INPP4B: variants seen among roughly 807,000 people sequenced by gnomAD.
INPP4B encodes inositol polyphosphate-4-phosphatase type II B, also known as inositol polyphosphate 4-phosphatase type II.
In INPP4B, 55 loss-of-function variants were observed where a neutral mutation model predicts 122.5. That is an observed-to-expected ratio of 0.45 (90% confidence interval 0.36 to 0.56). INPP4B has a LOEUF of 0.56. INPP4B is among the 20% of genes least tolerant of loss of function. The probability of loss-of-function intolerance (pLI) is 0.00; values close to 1 mark genes in which losing one functional copy is unlikely to be tolerated. For missense variants in INPP4B, 1,000 were observed against 1,097.7 expected (o/e 0.91, Z 1.26); for synonymous variants, 403 against 388.7 (o/e 1.04, Z -0.43).
At chr4:142,079,916 G>A (rs1772976989) in intron 25 of INPP4B, among the ~76,000 whole-genome samples, 1 of 152,060 alleles carries the variant, frequency 6.6e-6, no homozygotes, top group South Asian at 2.1e-4. Flanking sequence ...TAATTAGCTA[G>A]ATTATACTGC....
chr4:142,263,882 A>G (rs1245484454), intron 10 of INPP4B, among the ~76,000 whole-genome samples: 1 of 151,718 alleles, frequency 6.6e-6, no homozygotes, highest in African/African-American at 2.4e-5. Context: ...TGGGAAAACT[A>G]AGTGCAGGGG....
At chr4:142,616,846 A>C (rs1262781473) in intron 2 of INPP4B, among the ~76,000 whole-genome samples, 2 of 152,176 alleles carry the variant, frequency 1.3e-5, no homozygotes, top group African/African-American at 4.8e-5. Context: ...ACAGAGAGCC[A>C]AAAACCACAC....
At chr4:142,185,291 G>T (rs1832645974) in intron 15 of INPP4B, among the ~76,000 whole-genome samples, 1 of 151,832 alleles carries the variant, frequency 6.6e-6, no homozygotes, top group Admixed American at 6.6e-5. Flanking sequence ...GAGCCAAAGG[G>T]ATGCAAAATG....
intron 2 of INPP4B, among the ~76,000 whole-genome samples, chr4:142,518,361 T>A (rs180910878): frequency 1.4e-3 from 206 of 152,214 alleles, no homozygotes; most frequent in Middle Eastern, 6.8e-3. Context: ...AACATTAATA[T>A]AAAAAAGCAT....
chr4:142,136,343 T>C (rs1181052498), intron 18 of INPP4B, among the ~76,000 whole-genome samples: 3 of 152,214 alleles, frequency 2.0e-5, no homozygotes, highest in African/African-American at 7.2e-5. Context: ...CATCACCCTA[T>C]TGGACTTCAC....
intron 7 of INPP4B, among the ~76,000 whole-genome samples, chr4:142,401,287 G>A (rs894967680): frequency 1.3e-5 from 2 of 151,992 alleles, no homozygotes; most frequent in Non-Finnish European, 2.9e-5. Flanking sequence ...AAAAAACCGT[G>A]GGTGAGAGCT....
At chr4:142,301,381 A>G (rs1761329712) in intron 9 of INPP4B, among the ~76,000 whole-genome samples, 1 of 152,174 alleles carries the variant, frequency 6.6e-6, no homozygotes, top group Non-Finnish European at 1.5e-5. Context: ...AAAAGAATAT[A>G]AAATGGACAA....
At chr4:142,187,427 G>A (rs1046823319) in intron 15 of INPP4B, among the ~76,000 whole-genome samples, 1 of 151,842 alleles carries the variant, frequency 6.6e-6, no homozygotes, top group South Asian at 2.1e-4. Flanking sequence ...TGGAGTATTG[G>A]GAATGACTTC....
chr4:142,192,232 G>T (rs1178980111), intron 15 of INPP4B, among the ~76,000 whole-genome samples: 11 of 149,354 alleles, frequency 7.4e-5, no homozygotes, highest in Non-Finnish European at 1.5e-4. Flanking sequence ...TACTTCGGTG[G>T]CAAAATAACC....
At chr4:142,464,551 T>C (rs1333218267) in intron 2 of INPP4B, among the ~76,000 whole-genome samples, 2 of 152,030 alleles carry the variant, frequency 1.3e-5, no homozygotes, top group Non-Finnish European at 2.9e-5. Flanking sequence ...TTCCAGTTTT[T>C]CTTTAGATTT....
At chr4:142,143,592 TTAAAAA>T (rs1471026187) in intron 18 of INPP4B, among the ~76,000 whole-genome samples, 1 of 151,896 alleles carries the variant, frequency 6.6e-6, no homozygotes, top group Admixed American at 6.6e-5. Flanking sequence ...AAAATTTAAG[TTAAAAA>T]TAAAATAAGT....
chr4:142,127,434 T>G (rs1799127030), intron 18 of INPP4B, among the ~76,000 whole-genome samples: 1 of 151,326 alleles, frequency 6.6e-6, no homozygotes, highest in South Asian at 2.1e-4. Context: ...ATTTAACCAG[T>G]TGATTCTTAA....
At chr4:142,660,004 C>T (rs1054914224) in intron 2 of INPP4B, among the ~76,000 whole-genome samples, 1 of 151,976 alleles carries the variant, frequency 6.6e-6, no homozygotes, top group Non-Finnish European at 1.5e-5. Context: ...TAAAAGGCAC[C>T]GAGCAGGTGA....
At chr4:142,351,841 T>C (rs1782026137) in intron 7 of INPP4B, among the ~76,000 whole-genome samples, 1 of 152,000 alleles carries the variant, frequency 6.6e-6, no homozygotes, top group Admixed American at 6.6e-5. Context: ...TGTAGTATAA[T>C]AAATGGTCAT....
At chr4:142,198,601 T>C (rs1839390041) in intron 14 of INPP4B, among the ~76,000 whole-genome samples, 6 of 152,034 alleles carry the variant, frequency 3.9e-5, no homozygotes, top group Admixed American at 3.9e-4. Flanking sequence ...ACTCTGTTCA[T>C]TTTCTTGTTC....
chr4:142,415,745 A>C (rs1265185179), intron 5 of INPP4B, among the ~76,000 whole-genome samples: 3 of 152,196 alleles, frequency 2.0e-5, no homozygotes, highest in African/African-American at 7.2e-5. Flanking sequence ...AAAGACTTGG[A>C]ACCAACCCAA....
chr4:142,592,240 G>A (rs1737656248), intron 2 of INPP4B, among the ~76,000 whole-genome samples: 1 of 152,132 alleles, frequency 6.6e-6, no homozygotes, highest in Admixed American at 6.5e-5. Flanking sequence ...CAAGAATGTA[G>A]GTGTGTAAAC....
At chr4:142,809,994 C>A (rs926570813) in intron 1 of INPP4B, among the ~76,000 whole-genome samples, 3 of 151,806 alleles carry the variant, frequency 2.0e-5, no homozygotes, top group Non-Finnish European at 4.4e-5. Context: ...TCATCTTGAA[C>A]CTTTGTCTGT....
At position 142,223,665 on chromosome 4, in the gene INPP4B, C is replaced by T. The variant is rs1215202574; in HGVS notation, c.836+14199G>A. 3.9e-5 allele frequency among the ~76,000 whole-genome samples: 6 copies of T among 152,170 alleles called. No individual in the cohort carries two copies. In the East Asian group the frequency reaches 9.6e-4, roughly 24 times the overall value. On this transcript the variant is annotated intron_variant, in intron 12 of 25. Coordinates refer to ENST00000262992, the MANE Select transcript of INPP4B (RefSeq NM_001101669.3). Reference sequence around the variant, plus strand: ...CCATAACAATGAACTTAATGACACACAGCATCTGCCCTCAATACTAGGAGT... The same window carrying T: ...CCATAACAATGAACTTAATGACACATAGCATCTGCCCTCAATACTAGGAGT...
Sources: gnomAD v4.1 joint callset for allele counts (sites outside exome capture counted in the v4.1 genomes callset) on GRCh38, gnomAD v4.1.1 for gene constraint, MANE v1.5 for transcripts, NCBI Gene and HGNC (gene_info 2026-07-23, HGNC 2026-07-21) for gene names.